SLC27A1: variants seen among roughly 807,000 people sequenced by gnomAD.
SLC27A1 encodes the protein long-chain fatty acid transport protein 1.
Under a neutral mutation model 62.2 loss-of-function variants are expected in SLC27A1, and 61 were observed. The ratio of observed to expected loss-of-function variants is 0.98; its 90% CI spans 0.80 to 1.21. SLC27A1 has a LOEUF of 1.21. Ranked by LOEUF, SLC27A1 falls within the 50% of genes most tolerant of loss-of-function variation. The pLI is 0.00. For missense variants in SLC27A1, 903 were observed against 932.1 expected (o/e 0.97, Z 0.41); for synonymous variants, 435 against 408.6 (o/e 1.06, Z -0.78).
chr19:17,500,322 C>T lies in SLC27A1; in HGVS notation c.1251C>T (p.Tyr417=), dbSNP rs1348618525. 5.6e-6 allele frequency: 9 copies of T among 1,614,124 alleles called. No individual in the cohort carries two copies. The highest frequency in any genetic ancestry group is 1.1e-5 in the South Asian group (1 of 91,096). Residue 417 remains tyrosine (Y), a synonymous_variant, in exon 8 of 12, where the codon TAC becomes TAT. Coordinates refer to ENST00000252595, the MANE Select transcript of SLC27A1 (RefSeq NM_198580.3). ...GFNSRILPHV[Y]PIRLVKVNED... ...ACAGCCGCATCCTGCCCCACGTGTA[C>T]CCCATCCGGCTGGTGAAGGTCAATG...
rs1029958639 is a variant in SLC27A1, at chr19:17,504,353, G to A, written c.1784-102G>A. 21 of 1,407,334 alleles carry A rather than the reference G, an allele frequency of 1.5e-5. No homozygotes were observed. In the African/African-American group the frequency reaches 1.8e-4, roughly 12 times the overall value. 87.2% of individuals were successfully genotyped at this position (1,407,334 alleles called of 1,614,324 possible). On this transcript the variant is annotated intron_variant, in intron 11 of 11. Transcript: ENST00000252595. ...TGGGGAAGAACATTCCTGCCCAGGG[G>A]ACAGCCTGTGGGAAGGTCCAGAGGT... is the stretch of plus-strand genomic sequence containing the variant.
chr19:17,476,886 T>TG (rs1232308985), intron 1 of SLC27A1, among the ~76,000 whole-genome samples: 1 of 32,594 alleles, frequency 3.1e-5, no homozygotes, highest in Non-Finnish European at 6.8e-5. Context: ...ATCATCTGTT[T>TG]TTTTTTTTTT....
intron 1 of SLC27A1, among the ~76,000 whole-genome samples, chr19:17,473,014 T>C (rs2075091375): frequency 6.6e-6 from 1 of 152,020 alleles, no homozygotes; most frequent in Non-Finnish European, 1.5e-5. Context: ...CCCAGTCTGG[T>C]CTGGAACTCC....
chr19:17,483,379 GGAGGCAAT>G (rs1317877648), intron 1 of SLC27A1, among the ~76,000 whole-genome samples: 7 of 152,188 alleles, frequency 4.6e-5, no homozygotes, highest in African/African-American at 1.7e-4. Context: ...GTTTCCTGAG[GGAGGCAAT>G]GAGGCTGCTG....
rs763939834 is a variant in SLC27A1, at chr19:17,486,808, G to T, written c.413G>T (p.Arg138Leu). The T allele has an allele frequency of 6.3e-7, 1 of 1,596,986 alleles. No homozygotes were observed. ...GTGGTGGCCATCTTCCTGGAGGGCC[G>T]GCCGGAGTTCGTGGGGCTGTGGCTG... The part of the protein sequence containing the change: ...GDVVAIFLEG[R>L]PEFVGLWLGL... The change falls in exon 2 of 12, where the codon CGG (arginine) becomes CTG (leucine). Residue 138 changes from arginine to leucine, a missense_variant. Arg to Leu is a moderately radical substitution (Grantham distance 102). Coordinates refer to ENST00000252595, the MANE Select transcript of SLC27A1 (RefSeq NM_198580.3). This position sits in a 1 kb window ranked among gnomAD's most constrained non-coding sequence, Gnocchi z 6.6.
rs1365070175 is a variant in SLC27A1 at position 17,486,933 on chromosome 19, A to C, written c.538A>C (p.Ile180Leu). The change falls in exon 2 of 12, where the codon ATC becomes CTC. Residue 180 changes from isoleucine to leucine, a missense_variant. Transcript: ENST00000252595. The surrounding 1 kb of genome is among the most constrained non-coding windows in gnomAD (Gnocchi z 6.6). ...GGGCACCTCGGGCGCTAAGGCCCTGATCTTTGGAGGAGAAATGGTGGCGGG... is the reference window on the plus strand; with the variant it reads ...GGGCACCTCGGGCGCTAAGGCCCTGCTCTTTGGAGGAGAAATGGTGGCGGG... ...CLGTSGAKAL[I>L]FGGEMVAAVA... is the part of the protein sequence containing the mutation. 1 of 1,585,760 alleles carries C rather than the reference A, an allele frequency of 6.3e-7. No individual in the cohort carries two copies. The highest frequency in any genetic ancestry group is 2.2e-5 in the East Asian group (1 of 44,640).
chr19:17,477,240 C>CTTTTTTTTTT lies in SLC27A1; in HGVS notation c.167+6548_167+6557dup, dbSNP rs1221324202. On this transcript the variant is annotated intron_variant, in intron 1 of 11. Coordinates refer to ENST00000252595, the MANE Select transcript of SLC27A1 (RefSeq NM_198580.3). The stretch of plus-strand genomic sequence containing the variant: ...TTATTGGTTGAATGGATGAGCAGCG[C>CTTTTTTTTTT]TTTTTTTTTTTTTTTTTTTTTTTTG... Among the ~76,000 whole-genome samples, 83 of 43,818 alleles carry CTTTTTTTTTT rather than the reference C, an allele frequency of 1.9e-3. 14 individuals carry two copies. The highest frequency in any genetic ancestry group is 3.5e-3 in the South Asian group (3 of 868). 28.7% of individuals were successfully genotyped at this position (43,818 alleles called of 152,430 possible).
intron 1 of SLC27A1, among the ~76,000 whole-genome samples, chr19:17,471,937 C>T (rs2075080633): frequency 1.3e-5 from 2 of 152,124 alleles, no homozygotes; most frequent in South Asian, 4.1e-4. Context: ...TGCCACTCCC[C>T]CCATCCATAT....
chr19:17,500,002 A>G (rs1568423885), intron 7 of SLC27A1: 1 of 501,394 alleles, frequency 2.0e-6, no homozygotes, highest in Non-Finnish European at 3.6e-6. Flanking sequence ...ACACAGAGGC[A>G]TCTACTTCCT....
At chr19:17,473,035 C>T (rs775110059) in intron 1 of SLC27A1, among the ~76,000 whole-genome samples, 2 of 152,008 alleles carry the variant, frequency 1.3e-5, no homozygotes, top group Admixed American at 6.6e-5. Context: ...TGGCTTTAAG[C>T]GATCCTCCTA....
At position 17,486,481 on chromosome 19, in the gene SLC27A1, C is replaced by T; in HGVS notation, c.168-82C>T. The stretch of plus-strand genomic sequence containing the variant: ...TCAAAGCCCCTGGCTGCCCTGGGGT[C>T]CTCCAGCGGGGAGGCTGAGGCTCCC... On this transcript the variant is annotated intron_variant, in intron 1 of 11. Coordinates refer to ENST00000252595, the MANE Select transcript of SLC27A1 (RefSeq NM_198580.3). The surrounding 1 kb of genome is among the most constrained non-coding windows in gnomAD (Gnocchi z 6.6). The T allele has an allele frequency of 6.9e-7, 1 of 1,451,678 alleles. No individual in the cohort carries two copies. The allele number at this position is 1,451,678 out of a possible 1,614,324, so 89.9% of individuals were successfully genotyped here.
At chr19:17,480,691 A>T (rs987125050) in intron 1 of SLC27A1, among the ~76,000 whole-genome samples, 4 of 151,672 alleles carry the variant, frequency 2.6e-5, no homozygotes, top group South Asian at 2.1e-4. Flanking sequence ...TTTTTTAAAA[A>T]TTTTAATTTT....
chr19:17,504,311 G>GA, intron 11 of SLC27A1, 144 bp from the exon 12 acceptor site: 1 of 1,012,582 alleles, frequency 9.9e-7, no homozygotes, highest in Non-Finnish European at 1.5e-6. Flanking sequence ...AGACAAGGGG[G>GA]AATCAGGCAG....
At position 17,504,918 on chromosome 19, in the gene SLC27A1, A is replaced by C; in HGVS notation, c.*306A>C. The C allele has an allele frequency of 2.0e-6, 1 of 505,376 alleles. No homozygotes were observed. 31.3% of individuals were successfully genotyped at this position (505,376 alleles called of 1,614,324 possible). ...TTTCTTTCTTTTTTTTTTAAGATAG[A>C]GTCTCACTCTGCTGCCCGGGCTAGA... On this transcript the variant is annotated 3_prime_UTR_variant, in exon 12 of 12. Transcript: ENST00000252595.
chr19:17,497,244 C>T lies in SLC27A1; in HGVS notation c.997-11C>T, dbSNP rs1331426113. The T allele has an allele frequency of 6.3e-7, 1 of 1,581,954 alleles. No individual in the cohort carries two copies. The highest frequency in any genetic ancestry group is 2.0e-5 in the Admixed American group (1 of 50,464). ...CGGTCCCATCACCCACTTCCTCACCCCGTCCCCCAGGTGGTTCAGTACATC... is the reference window on the plus strand; with the variant it reads ...CGGTCCCATCACCCACTTCCTCACCTCGTCCCCCAGGTGGTTCAGTACATC... On this transcript the variant is annotated splice_polypyrimidine_tract_variant and intron_variant, in intron 6 of 11. Transcript: ENST00000252595.
intron 1 of SLC27A1, among the ~76,000 whole-genome samples, chr19:17,480,038 T>G (rs1332422518): frequency 6.6e-6 from 1 of 152,060 alleles, no homozygotes; most frequent in Non-Finnish European, 1.5e-5. Flanking sequence ...ACAAAAAAAT[T>G]TTTTTTTGAG....
chr19:17,496,824 G>A (rs538821717), intron 6 of SLC27A1: 2 of 158,880 alleles, frequency 1.3e-5, no homozygotes, highest in African/African-American at 4.8e-5. Flanking sequence ...GCTGAGGCAG[G>A]AGGATTGCTT....
intron 11 of SLC27A1, among the ~76,000 whole-genome samples, chr19:17,502,095 GAC>G (rs1293858291): frequency 6.6e-6 from 1 of 151,928 alleles, no homozygotes; most frequent in Non-Finnish European, 1.5e-5. Flanking sequence ...CAGCCTGGGT[GAC>G]AGAGTGAGAC....
intron 7 of SLC27A1, chr19:17,499,406 CTAA>C (rs1238546724): frequency 6.6e-6 from 1 of 152,146 alleles, no homozygotes; most frequent in African/African-American, 2.4e-5. Context: ...AAACTGATGA[CTAA>C]TGATATTCAT....
Sources: allele counts gnomAD v4.1 joint callset (sites outside exome capture counted in the v4.1 genomes callset), GRCh38; gene constraint gnomAD v4.1.1; non-coding constraint Gnocchi (gnomAD v3.1); transcripts MANE v1.5; gene names NCBI Gene and HGNC (gene_info 2026-07-23, HGNC 2026-07-21).